Variants in CFAP54 observed in about 807,000 individuals in gnomAD.
The protein encoded by CFAP54 is cilia and flagella associated protein 54.
In CFAP54, 290 loss-of-function variants were observed where a neutral mutation model predicts 370.4. The ratio of observed to expected loss-of-function variants is 0.78; its 90% CI spans 0.71 to 0.86. The LOEUF is 0.86. Among genes scored for constraint, CFAP54 ranks in the 40% least tolerant of loss-of-function variants. CFAP54 has a pLI of 0.00. For missense variants in CFAP54, 3,399 were observed against 3,528.7 expected, an observed-to-expected ratio of 0.96 and a Z score of 0.93; for synonymous variants, 1,206 against 1,236.5, an observed-to-expected ratio of 0.98 and a Z score of 0.52.
intron 51 of CFAP54, among the ~76,000 whole-genome samples, chr12:96,741,820 T>C (rs1958055078): frequency 6.6e-6 from 1 of 152,146 alleles, no homozygotes; most frequent in African/African-American, 2.4e-5. Flanking sequence ...ATGAGCAGCA[T>C]ACAGCAGCAT....
rs749715174 is a variant in CFAP54, at chr12:96,746,349, C to T, written c.7684+2203C>T. On this transcript the variant is annotated intron_variant, in intron 55 of 67. Transcript: ENST00000524981. ...CTTAAGGGTAGAGTCTGCTCTCTTC[C>T]TCTTCTTTCCTCCCCTCTCATTCAC... Among the ~76,000 whole-genome samples the T allele has an allele frequency of 5.9e-5, 9 of 152,258 alleles. 1 individual carries two copies. In the Middle Eastern group the frequency reaches 0.014, roughly 230 times the overall value.
chr12:96,724,044 A>G (rs1957796692), intron 50 of CFAP54, among the ~76,000 whole-genome samples: 1 of 151,934 alleles, frequency 6.6e-6, no homozygotes, highest in Non-Finnish European at 1.5e-5. Context: ...TCCATGGTGT[A>G]TATGTGCCAG....
At chr12:96,531,772 T>G (rs1263468576) in intron 9 of CFAP54, among the ~76,000 whole-genome samples, 4 of 152,246 alleles carry the variant, frequency 2.6e-5, no homozygotes, top group African/African-American at 9.6e-5. Context: ...TTGCCTGGGC[T>G]GGAGTGCAGT....
chr12:96,768,726 G>T (rs1958426768), intron 60 of CFAP54, among the ~76,000 whole-genome samples: 1 of 152,072 alleles, frequency 6.6e-6, no homozygotes, highest in Non-Finnish European at 1.5e-5. Flanking sequence ...AAGAAGCAGA[G>T]CATAATAATG....
chr12:96,811,265 A>T (rs1456408850), intron 63 of CFAP54, among the ~76,000 whole-genome samples: 2 of 152,192 alleles, frequency 1.3e-5, no homozygotes, highest in Non-Finnish European at 2.9e-5. Flanking sequence ...TCATCAAGGG[A>T]CGTTTCATCT....
chr12:96,734,153 G>A (rs1957954984), intron 50 of CFAP54, among the ~76,000 whole-genome samples: 1 of 152,096 alleles, frequency 6.6e-6, no homozygotes, highest in Admixed American at 6.5e-5. Flanking sequence ...CCATTTTAAT[G>A]GCTCAGCAAA....
At chr12:96,701,361 TA>T (rs955445014) in intron 46 of CFAP54, among the ~76,000 whole-genome samples, 20 of 152,216 alleles carry the variant, frequency 1.3e-4, no homozygotes, top group East Asian at 7.7e-4. Context: ...TTTAATTAGT[TA>T]AAAAAATATT....
At chr12:96,671,184 C>G (rs999872281) in intron 39 of CFAP54, among the ~76,000 whole-genome samples, 1 of 152,088 alleles carries the variant, frequency 6.6e-6, no homozygotes, top group Non-Finnish European at 1.5e-5. Context: ...GTTGGCCAGG[C>G]TGGTCTCGAA....
intron 1 of CFAP54, among the ~76,000 whole-genome samples, chr12:96,498,339 A>G (rs1954982463): frequency 6.6e-6 from 1 of 152,214 alleles, no homozygotes; most frequent in East Asian, 1.9e-4. Context: ...TGGATCACCT[A>G]CCTAAATGTA....
At chr12:96,502,380 G>T (rs1433715582) in intron 2 of CFAP54, among the ~76,000 whole-genome samples, 1 of 135,496 alleles carries the variant, frequency 7.4e-6, no homozygotes, top group Non-Finnish European at 1.5e-5. Flanking sequence ...TGGGTAACAT[G>T]GCGAAACACT....
chr12:96,543,360 G>A (rs1955598756), intron 14 of CFAP54, among the ~76,000 whole-genome samples: 1 of 152,212 alleles, frequency 6.6e-6, no homozygotes, highest in Non-Finnish European at 1.5e-5. Context: ...GCTGTTGTGA[G>A]TTCAGGGCCT....
rs367804947 is a variant in CFAP54 at position 96,664,749 on chromosome 12, A to C, written c.5563+817A>C. On this transcript the variant is annotated intron_variant, in intron 39 of 67. Transcript: ENST00000524981. ...TCTATATATATATATCTATATATAT[A>C]TATATCTATATATATCTATATCTAT... 1.5e-3 allele frequency among the ~76,000 whole-genome samples: 36 copies of C among 23,868 alleles called. 1 individual carries two copies. Among genetic ancestry groups the C allele is most frequent in the East Asian group, 6.2e-3 (5 of 812 alleles). The allele number at this position is 23,868 out of a possible 152,430, so 15.7% of individuals were successfully genotyped here.
intron 58 of CFAP54, among the ~76,000 whole-genome samples, chr12:96,763,799 TTTG>T (rs1958364959): frequency 6.6e-6 from 1 of 152,110 alleles, no homozygotes; most frequent in Non-Finnish European, 1.5e-5. Context: ...ATATATAATT[TTTG>T]TTAACTTATT....
In CFAP54 at chr12:96,860,898, G is replaced by C; in HGVS notation, c.9251G>C (p.Gly3084Ala). Residue 3084 changes from glycine (G) to alanine (A), a missense_variant, in exon 67 of 68, where the codon GGA becomes GCA. Transcript: ENST00000524981. ...FDLANGCILS[G>A]GSLFNWIVSI... ...CTGGCTAATGGTTGCATTTTATCAG[G>C]AGGAAGCCTTTTCAACTGGATAGTG... The C allele has an allele frequency of 3.3e-6, 5 of 1,535,032 alleles. No individual in the cohort carries two copies. The highest frequency in any genetic ancestry group is 3.5e-6 in the Non-Finnish European group (4 of 1,146,224).
intron 26 of CFAP54, among the ~76,000 whole-genome samples, chr12:96,620,897 A>G (rs1956479507): frequency 6.6e-6 from 1 of 152,218 alleles, no homozygotes; most frequent in Non-Finnish European, 1.5e-5. Flanking sequence ...TGACTGTCAG[A>G]TTTTATAATT....
chr12:96,758,767 G>A (rs1006957593), intron 58 of CFAP54, among the ~76,000 whole-genome samples: 1 of 152,144 alleles, frequency 6.6e-6, no homozygotes, highest in Non-Finnish European at 1.5e-5. Context: ...TCCAAACTAA[G>A]ATGTGGAAAC....
chr12:96,698,316 GATTAATATTTTAAAA>G (rs751712154), intron 45 of CFAP54, among the ~76,000 whole-genome samples: 2 of 152,074 alleles, frequency 1.3e-5, no homozygotes, highest in Non-Finnish European at 2.9e-5. Flanking sequence ...GCTATAAATT[GATTAATATTTTAAAA>G]TATATGTATT....
intron 14 of CFAP54, among the ~76,000 whole-genome samples, chr12:96,544,248 G>A (rs1054961820): frequency 6.6e-6 from 1 of 151,990 alleles, no homozygotes; most frequent in African/African-American, 2.4e-5. Context: ...TATTTCCTAA[G>A]TGACTAAAAC....
At chr12:96,797,771 A>T (rs999583382) in intron 63 of CFAP54, among the ~76,000 whole-genome samples, 4 of 151,974 alleles carry the variant, frequency 2.6e-5, no homozygotes, top group Admixed American at 2.0e-4. Context: ...TTTGCTTCTT[A>T]TAAAAGGTAT....
Sources: allele counts gnomAD v4.1 joint callset (sites outside exome capture counted in the v4.1 genomes callset), GRCh38; gene constraint gnomAD v4.1.1; transcripts MANE v1.5; gene names NCBI Gene and HGNC (gene_info 2026-07-23, HGNC 2026-07-21).